The following HVCN1 variants were observed in gnomAD, a reference collection of about 807,000 sequenced individuals.
HVCN1 encodes voltage-gated hydrogen channel 1.
In HVCN1, 14 loss-of-function variants were observed where a neutral mutation model predicts 29.2. The observed-to-expected ratio is 0.48, with a 90% confidence interval of 0.32 to 0.75. HVCN1 has a LOEUF of 0.75. Among genes scored for constraint, HVCN1 ranks in the 30% least tolerant of loss-of-function variants. The pLI, the probability that HVCN1 is intolerant of heterozygous loss-of-function variation, is 0.04. For synonymous variants in HVCN1, 131 were observed against 133.2 expected (o/e 0.98, Z 0.11); for missense variants, 263 against 341.8 (o/e 0.77, Z 1.82).
chr12:110,659,754 T>TA (rs756280485), intron 4 of HVCN1, among the ~76,000 whole-genome samples: 187 of 149,204 alleles, frequency 1.3e-3, no homozygotes, highest in African/African-American at 2.9e-3. Context: ...TCCCATCTCT[T>TA]AAAAAAAAAG....
At position 110,651,065 on chromosome 12, in the gene HVCN1, A is replaced by C; in HGVS notation, c.643+152T>G. The C allele has an allele frequency of 2.7e-5, 17 of 621,614 alleles. No homozygotes were observed. In the South Asian group the frequency reaches 3.3e-4, roughly 12 times the overall value. 38.5% of individuals were successfully genotyped at this position (621,614 alleles called of 1,614,324 possible). ...GCTCCTAAAGGGCTGAAGAGGAAGA[A>C]GGGAGGAGAGGGAGGTGAGGGGGCA... On this transcript the variant is annotated intron_variant, in intron 6 of 7. Coordinates refer to ENST00000242607, the MANE Select transcript of HVCN1 (RefSeq NM_032369.4).
intron 3 of HVCN1, among the ~76,000 whole-genome samples, chr12:110,664,271 T>C (rs538000658): frequency 1.3e-5 from 2 of 152,260 alleles, no homozygotes; most frequent in Non-Finnish European, 2.9e-5. Context: ...AAAAATGCCT[T>C]GCACTTAACA....
At chr12:110,655,705 G>T (rs2067966011) in intron 4 of HVCN1, among the ~76,000 whole-genome samples, 3 of 136,376 alleles carry the variant, frequency 2.2e-5, no homozygotes, top group African/African-American at 2.7e-5. Context: ...CAAATAATCA[G>T]TTTTTTTTTT....
chr12:110,690,162 G>T (rs376643247), upstream of HVCN1, among the ~76,000 whole-genome samples: 1 of 152,138 alleles, frequency 6.6e-6, no homozygotes. Context: ...TGCTTTTCCC[G>T]GCTGGAGAGG....
chr12:110,696,028 C>G (rs997826296), intron 2 of HVCN1, among the ~76,000 whole-genome samples: 5 of 151,234 alleles, frequency 3.3e-5, no homozygotes, highest in African/African-American at 1.2e-4. Context: ...TCTCAGCTCA[C>G]TGCAACCTCT....
At chr12:110,698,850 G>A (rs555421134) in intron 2 of HVCN1, among the ~76,000 whole-genome samples, 5 of 152,290 alleles carry the variant, frequency 3.3e-5, no homozygotes, top group African/African-American at 7.2e-5. Context: ...ACAGCCAGCC[G>A]GGCACGGTGG....
intron 2 of HVCN1, chr12:110,687,958 A>C (rs1014892146): frequency 2.0e-5 from 3 of 152,432 alleles, no homozygotes; most frequent in Admixed American, 2.0e-4. Context: ...CAGCCAGAGA[A>C]GTTGCCACCC....
intron 3 of HVCN1, among the ~76,000 whole-genome samples, chr12:110,666,047 A>G (rs1327925297): frequency 6.6e-6 from 1 of 151,870 alleles, no homozygotes; most frequent in Non-Finnish European, 1.5e-5. Context: ...CCAGATGGAT[A>G]TTTTAGAACT....
chr12:110,660,697 A>G (rs1016403726), intron 4 of HVCN1, among the ~76,000 whole-genome samples: 1 of 152,226 alleles, frequency 6.6e-6, no homozygotes, highest in Non-Finnish European at 1.5e-5. Context: ...CCTCAAATGG[A>G]AACACTCCCA....
chr12:110,686,094 G>A (rs770120454), intron 2 of HVCN1, among the ~76,000 whole-genome samples: 2 of 152,048 alleles, frequency 1.3e-5, no homozygotes, highest in Non-Finnish European at 1.5e-5. Flanking sequence ...TGTCTCCCAG[G>A]TTCAAGCGAT....
chr12:110,690,560 TC>T (rs2069381948), upstream of HVCN1, among the ~76,000 whole-genome samples: 1 of 152,164 alleles, frequency 6.6e-6, no homozygotes, highest in Admixed American at 6.5e-5. Flanking sequence ...TACTGCAACC[TC>T]CGCCTCCTGG....
At chr12:110,702,962 A>G (rs896161286) in intron 1 of HVCN1, among the ~76,000 whole-genome samples, 3 of 151,878 alleles carry the variant, frequency 2.0e-5, no homozygotes, top group Non-Finnish European at 2.9e-5. Context: ...CAATTTTTGT[A>G]TTTTTAGTAG....
chr12:110,659,601 T>G (rs1252362077), intron 4 of HVCN1, among the ~76,000 whole-genome samples: 2 of 152,210 alleles, frequency 1.3e-5, no homozygotes, highest in Non-Finnish European at 2.9e-5. Flanking sequence ...CAGACTCCAC[T>G]TGCATTTGTC....
chr12:110,650,802 T>C (rs1243638433), intron 6 of HVCN1, among the ~76,000 whole-genome samples: 1 of 150,650 alleles, frequency 6.6e-6, no homozygotes, highest in African/African-American at 2.4e-5. Context: ...CAAGCAATCC[T>C]CCCACCTCAG....
At chr12:110,682,891 G>C (rs538118452) in intron 3 of HVCN1, 70 of 287,750 alleles carry the variant, frequency 2.4e-4, no homozygotes, top group African/African-American at 1.5e-3. Flanking sequence ...TGAACCCTGG[G>C]GGGCAGAAGT....
chr12:110,703,207 CAAA>C (rs758737358), intron 1 of HVCN1, among the ~76,000 whole-genome samples: 16,185 of 98,746 alleles, frequency 0.16, 1,294 homozygotes, highest in African/African-American at 0.3. Flanking sequence ...ATGTCTCTAC[CAAA>C]AAAAAAAAAA....
chr12:110,688,592 G>A (rs1338542120), intron 2 of HVCN1, 33 bp downstream of exon 2: 1 of 152,392 alleles, frequency 6.6e-6, no homozygotes. Context: ...GCGGGGCAGG[G>A]ACGATGCATC....
In HVCN1 at chr12:110,670,314, A is replaced by T. The variant is rs1444658482; in HGVS notation, c.22-8866T>A. ...GAAAAAGGTACTTTTTAAGAAAGTC[A>T]GCCAACTCCCAACTCCCATGGCCTG... On this transcript the variant is annotated intron_variant, in intron 3 of 7. Coordinates refer to ENST00000242607, the MANE Select transcript of HVCN1 (RefSeq NM_032369.4). Among the ~76,000 whole-genome samples the T allele has an allele frequency of 2.0e-5, 3 of 152,332 alleles. No individual in the cohort carries two copies. The East Asian group carries it at 5.8e-4, about 29-fold the overall frequency.
chr12:110,690,593 C>T (rs2069382984), upstream of HVCN1, among the ~76,000 whole-genome samples: 1 of 152,052 alleles, frequency 6.6e-6, no homozygotes, highest in Non-Finnish European at 1.5e-5. Flanking sequence ...TCTCCTGCCT[C>T]AAGCCTCCCG....
Sources: allele counts gnomAD v4.1 joint callset (sites outside exome capture counted in the v4.1 genomes callset), GRCh38; gene constraint gnomAD v4.1.1; transcripts MANE v1.5; gene names NCBI Gene and HGNC (gene_info 2026-07-23, HGNC 2026-07-21).